SCAF8: variants seen among roughly 807,000 people sequenced by gnomAD.
The protein encoded by SCAF8 is SR-related CTD associated factor 8, also known as SR-related and CTD-associated factor 8.
A neutral mutation model predicts 140.5 loss-of-function variants in SCAF8; 23 were observed. The observed-to-expected ratio is 0.16, with a 90% CI of 0.12 to 0.23. The LOEUF is 0.23. Ranked by LOEUF, SCAF8 falls within the 10% of genes least tolerant of loss-of-function variation. SCAF8 has a pLI of 1.00. For synonymous variants in SCAF8, 575 were observed against 528.9 expected, an observed-to-expected ratio of 1.09 and a Z score of -1.20; for missense variants, 1,397 against 1,555.7, an observed-to-expected ratio of 0.90 and a Z score of 1.72.
chr6:154,789,644 C>T (rs1487295876), intron 4 of SCAF8, among the ~76,000 whole-genome samples: 2 of 149,732 alleles, frequency 1.3e-5, no homozygotes, highest in African/African-American at 4.9e-5. Context: ...CTCCCAGGTT[C>T]ACGCCATTCT....
intron 6 of SCAF8, among the ~76,000 whole-genome samples, chr6:154,799,210 TC>T (rs1777695590): frequency 6.6e-6 from 1 of 151,062 alleles, no homozygotes; most frequent in African/African-American, 2.4e-5. Flanking sequence ...ACTCCTGACC[TC>T]AGGCGATCCC....
Position 154,779,777 on chromosome 6 carries a change from GTGTGTATA to G in SCAF8, c.159+1734_159+1741del, listed in dbSNP as rs1316809918. 3.3e-5 allele frequency among the ~76,000 whole-genome samples: 3 copies of G among 91,814 alleles called. No individual in the cohort carries two copies. In the East Asian group the frequency reaches 3.5e-3, roughly 106 times the overall value. The allele number at this position is 91,814 out of a possible 152,430, so 60.2% of individuals were successfully genotyped here. On this transcript the variant is annotated intron_variant, in intron 3 of 19. Coordinates refer to ENST00000367178, the MANE Select transcript of SCAF8 (RefSeq NM_014892.5). ...AAATAAGGTGTGTGTGTGTGTGTGT[GTGTGTATA>G]TATATATATATATATACACTTTTTT...
At position 154,832,987 on chromosome 6, in the gene SCAF8, T is replaced by G. The variant is rs1208819189; in HGVS notation, c.3408T>G (p.Pro1136=). 2 of 1,614,110 alleles carry G rather than the reference T, an allele frequency of 1.2e-6. No homozygotes were observed. The highest frequency in any genetic ancestry group is 1.7e-6 in the Non-Finnish European group (2 of 1,180,000). Residue 1136 remains proline, a synonymous_variant, in exon 20 of 20, where the codon CCT becomes CCG. Transcript: ENST00000367178. The part of the protein sequence containing the change: ...GNYRFDPRSG[P]WNRGFGQEVH... ...ATCGATTTGATCCTAGAAGTGGTCC[T>G]TGGAACCGAGGATTTGGACAAGAAG... is the stretch of plus-strand genomic sequence containing the variant.
intron 2 of SCAF8, among the ~76,000 whole-genome samples, chr6:154,774,900 C>T (rs1443837934): frequency 6.6e-6 from 1 of 152,066 alleles, no homozygotes; most frequent in African/African-American, 2.4e-5. Context: ...AAGTTCTTGT[C>T]CCCTAGGCTA....
intron 10 of SCAF8, among the ~76,000 whole-genome samples, chr6:154,808,459 AT>A (rs60459651): frequency 0.53 from 78,717 of 147,216 alleles, 21,985 homozygotes; most frequent in East Asian, 0.76. Context: ...TGTTTTTGCG[AT>A]TTTTTTTTTT....
In SCAF8 at chr6:154,832,446, C is replaced by T. The variant is rs753495761; in HGVS notation, c.2867C>T (p.Ser956Leu). The change falls in exon 20 of 20, where the codon TCG (serine) becomes TTG (leucine). Residue 956 changes from serine (S) to leucine (L), a missense_variant. By Grantham distance (145) the Ser-to-Leu change is moderately radical. Transcript: ENST00000367178. ...IPPQRGIPPPSVLDSALHPPP... is the reference protein window; with the variant it reads ...IPPQRGIPPPLVLDSALHPPP... ...CCCCAACGGGGAATCCCACCCCCATCGGTACTTGATTCAGCTCTTCATCCA... is the reference window on the plus strand; with the variant it reads ...CCCCAACGGGGAATCCCACCCCCATTGGTACTTGATTCAGCTCTTCATCCA... 11 of 1,614,150 alleles carry T rather than the reference C, an allele frequency of 6.8e-6. No individual in the cohort carries two copies. The highest frequency in any genetic ancestry group is 3.3e-4 in the Middle Eastern group (2 of 6,060).
intron 12 of SCAF8, among the ~76,000 whole-genome samples, chr6:154,814,220 G>A (rs1583060007): frequency 6.6e-6 from 1 of 152,130 alleles, no homozygotes; most frequent in Admixed American, 6.5e-5. Context: ...AGTTACTCGC[G>A]AGGCTGAGGA....
chr6:154,809,000 A>G (rs1334764395), intron 11 of SCAF8, among the ~76,000 whole-genome samples: 4 of 152,202 alleles, frequency 2.6e-5, no homozygotes, highest in East Asian at 1.9e-4. Context: ...AGTAATTTAC[A>G]TAAGATTGGC....
chr6:154,812,572 G>A (rs1163319423), intron 12 of SCAF8, among the ~76,000 whole-genome samples: 1 of 152,036 alleles, frequency 6.6e-6, no homozygotes, highest in Non-Finnish European at 1.5e-5. Context: ...TTCAAAAGCA[G>A]TATCAATTTC....
At position 154,832,614 on chromosome 6, in the gene SCAF8, G is replaced by C. The variant is rs1031038853; in HGVS notation, c.3035G>C (p.Gly1012Ala). The C allele has an allele frequency of 1.9e-6, 3 of 1,613,970 alleles. No homozygotes were observed. In the African/African-American group the frequency reaches 4.0e-5, roughly 22 times the overall value. Residue 1012 changes from glycine (G) to alanine (A), a missense_variant, in exon 20 of 20, where the codon GGA (glycine) becomes GCA (alanine). Gly to Ala is a moderately conservative substitution (Grantham distance 60, BLOSUM62 0). Transcript: ENST00000367178. Reference sequence around the variant, plus strand: ...GGGAATGATAACATTCAACAGGAAGGAGATAGAGATTACCGGTTTCCTCCT... The same window carrying C: ...GGGAATGATAACATTCAACAGGAAGCAGATAGAGATTACCGGTTTCCTCCT... ...PLGNDNIQQE[G>A]DRDYRFPPIE...
At chr6:154,773,363 C>A (rs909520418) in intron 1 of SCAF8, among the ~76,000 whole-genome samples, 2 of 152,154 alleles carry the variant, frequency 1.3e-5, no homozygotes, top group African/African-American at 2.4e-5. Context: ...AAGGTTCATT[C>A]AGGTTGTAAC....
intron 1 of SCAF8, among the ~76,000 whole-genome samples, chr6:154,746,397 T>C (rs1006780358): frequency 6.6e-6 from 1 of 152,202 alleles, no homozygotes; most frequent in Non-Finnish European, 1.5e-5. Context: ...TATCAATAGA[T>C]AGAACTGTAA....
At chr6:154,747,904 G>GTGTGTT (rs1778743722) in intron 1 of SCAF8, among the ~76,000 whole-genome samples, 1 of 137,728 alleles carries the variant, frequency 7.3e-6, no homozygotes, top group South Asian at 2.3e-4. Context: ...TTCTGTGTGT[G>GTGTGTT]TGTGTGTGTG....
intron 13 of SCAF8, among the ~76,000 whole-genome samples, 172 bp downstream of exon 13, chr6:154,815,988 CCTT>C (rs1196518661): frequency 1.3e-5 from 2 of 152,128 alleles, no homozygotes; most frequent in Non-Finnish European, 2.9e-5. Flanking sequence ...CTGTTTCTCT[CCTT>C]AATTATTTTT....
rs750339472 is a variant in SCAF8, at chr6:154,832,809, A to G, written c.3230A>G (p.Asp1077Gly). ...IRENLVRPGI[D>G]HLGRRDHFGF... is the part of the protein sequence containing the mutation. ...GAGAATCTTGTGAGGCCAGGTATAG[A>G]TCATCTTGGTCGAAGAGACCACTTT... Residue 1077 changes from aspartate to glycine, a missense_variant, in exon 20 of 20, where the codon GAT becomes GGT. Around this residue, in one of 5 missense-constraint regions of SCAF8, gnomAD observed 930 missense variants for 874.6 expected, o/e 1.06. Transcript: ENST00000367178. 5 of 1,613,978 alleles carry G rather than the reference A, an allele frequency of 3.1e-6. No individual in the cohort carries two copies. The highest frequency in any genetic ancestry group is 4.2e-6 in the Non-Finnish European group (5 of 1,179,994).
chr6:154,818,291 T>G (rs750961066), intron 13 of SCAF8, among the ~76,000 whole-genome samples, 188 bp from the exon 14 acceptor site: 1 of 152,200 alleles, frequency 6.6e-6, no homozygotes, highest in Non-Finnish European at 1.5e-5. Flanking sequence ...TTTTAAAAAT[T>G]GAGTTATTAA....
At chr6:154,814,629 T>C (rs555393133) in intron 12 of SCAF8, among the ~76,000 whole-genome samples, 13 of 152,280 alleles carry the variant, frequency 8.5e-5, no homozygotes, top group African/African-American at 2.9e-4. Context: ...ACCTGTCTTA[T>C]TATAGATCAA....
At chr6:154,791,519 A>G (rs1428210145) in intron 4 of SCAF8, among the ~76,000 whole-genome samples, 1 of 152,212 alleles carries the variant, frequency 6.6e-6, no homozygotes, top group Non-Finnish European at 1.5e-5. Context: ...GAGAATGGCT[A>G]GACATTTAAA....
At chr6:154,787,195 A>C (rs1045203467) in intron 3 of SCAF8, among the ~76,000 whole-genome samples, 4 of 152,344 alleles carry the variant, frequency 2.6e-5, no homozygotes, top group Non-Finnish European at 5.9e-5. Flanking sequence ...TCTCTTCCAA[A>C]AAAACATACA....
Sources: allele counts gnomAD v4.1 joint callset (sites outside exome capture counted in the v4.1 genomes callset), GRCh38; gene constraint gnomAD v4.1.1; regional missense constraint gnomAD v4.1.1; transcripts MANE v1.5; gene names NCBI Gene and HGNC (gene_info 2026-07-23, HGNC 2026-07-21).